DNM3: variants seen among roughly 807,000 people sequenced by gnomAD.
DNM3 encodes the protein dynamin-3.
DNM3 carries 47 observed loss-of-function variants against 101.6 expected under a neutral mutation model. The observed-to-expected ratio is 0.46, with a 90% CI of 0.37 to 0.59. The LOEUF is 0.59. Ranked by LOEUF, DNM3 falls within the 20% of genes least tolerant of loss-of-function variation. The probability of loss-of-function intolerance (pLI) is 0.00; values close to 1 mark genes in which losing one functional copy is unlikely to be tolerated. For missense variants in DNM3, 849 were observed against 1,085.7 expected (o/e 0.78, Z 3.06); for synonymous variants, 385 against 387.9 (o/e 0.99, Z 0.09).
intron 2 of DNM3, among the ~76,000 whole-genome samples, chr1:171,934,258 A>G (rs2041244227): frequency 1.3e-5 from 2 of 152,238 alleles, no homozygotes; most frequent in East Asian, 1.9e-4. Context: ...TGAGATGATC[A>G]CTTAAAAAAC....
chr1:172,274,014 G>T (rs1400300198), intron 15 of DNM3, among the ~76,000 whole-genome samples: 1 of 152,014 alleles, frequency 6.6e-6, no homozygotes, highest in Non-Finnish European at 1.5e-5. Context: ...TACTTGTGAA[G>T]AATCAATATT....
chr1:171,911,251 A>G (rs1040768678), intron 1 of DNM3, among the ~76,000 whole-genome samples: 1 of 149,612 alleles, frequency 6.7e-6, no homozygotes, highest in Non-Finnish European at 1.5e-5. Flanking sequence ...TTCCAATTAA[A>G]TACCTCACTT....
chr1:172,241,382 CTTA>C (rs942338262), intron 14 of DNM3, among the ~76,000 whole-genome samples: 4 of 151,806 alleles, frequency 2.6e-5, no homozygotes, highest in African/African-American at 7.3e-5. Flanking sequence ...AGTTTTGACT[CTTA>C]TTATGTGGGA....
intron 4 of DNM3, among the ~76,000 whole-genome samples, chr1:172,012,551 T>C (rs1310278546): frequency 6.6e-6 from 1 of 152,014 alleles, no homozygotes; most frequent in Non-Finnish European, 1.5e-5. Flanking sequence ...TCAGTTTATT[T>C]TGGAGTGCAA....
chr1:171,893,969 AC>A (rs2037530207), intron 1 of DNM3, among the ~76,000 whole-genome samples: 2 of 151,528 alleles, frequency 1.3e-5, no homozygotes, highest in Admixed American at 1.3e-4. Flanking sequence ...GATTATAGGC[AC>A]GCACTGCCAC....
chr1:172,369,716 GAA>G (rs2068222995), intron 17 of DNM3, among the ~76,000 whole-genome samples: 1 of 151,860 alleles, frequency 6.6e-6, no homozygotes. Context: ...TACAATAAAA[GAA>G]TGCAAAATAT....
chr1:172,177,607 G>A (rs2059199956), intron 14 of DNM3, among the ~76,000 whole-genome samples: 1 of 151,886 alleles, frequency 6.6e-6, no homozygotes, highest in Non-Finnish European at 1.5e-5. Context: ...GCTTAGAAAT[G>A]TAAGATAACT....
chr1:172,093,587 T>C (rs996065518), intron 13 of DNM3: 2 of 881,042 alleles, frequency 2.3e-6, no homozygotes, highest in Non-Finnish European at 3.3e-6. Flanking sequence ...AATTGAAACC[T>C]CTGCTCTAGA....
intron 10 of DNM3, among the ~76,000 whole-genome samples, chr1:172,065,242 G>T (rs2051559529): frequency 6.6e-6 from 1 of 152,280 alleles, no homozygotes; most frequent in African/African-American, 2.4e-5. Flanking sequence ...ACTTTCTGCT[G>T]TAATCTATTT....
intron 20 of DNM3, among the ~76,000 whole-genome samples, chr1:172,399,445 C>T (rs2070290601): frequency 6.6e-6 from 1 of 152,160 alleles, no homozygotes; most frequent in Admixed American, 6.5e-5. Flanking sequence ...AGAGCTAATA[C>T]TGCAGACCAG....
chr1:172,337,228 G>A (rs2066472429), intron 17 of DNM3, among the ~76,000 whole-genome samples: 1 of 152,092 alleles, frequency 6.6e-6, no homozygotes, highest in Non-Finnish European at 1.5e-5. Context: ...TTTATGGCCT[G>A]GCTTTTACAT....
chr1:172,073,263 A>G (rs1284825704), intron 11 of DNM3, among the ~76,000 whole-genome samples: 1 of 146,604 alleles, frequency 6.8e-6, no homozygotes, highest in Non-Finnish European at 1.5e-5. Context: ...ACATACATAT[A>G]CGTATATATG....
intron 14 of DNM3, among the ~76,000 whole-genome samples, chr1:172,164,233 T>G (rs1180749514): frequency 3.1e-5 from 1 of 32,050 alleles, no homozygotes; most frequent in African/African-American, 2.6e-4. Context: ...TTTTCTTTTC[T>G]TTTTTTTTTT....
chr1:171,994,953 T>G (rs1444798757), intron 4 of DNM3, among the ~76,000 whole-genome samples: 2 of 152,058 alleles, frequency 1.3e-5, no homozygotes, highest in Admixed American at 6.6e-5. Context: ...AACCCCATTC[T>G]GTCCCCTCCA....
chr1:172,272,780 T>C (rs1029991903), intron 15 of DNM3, among the ~76,000 whole-genome samples: 3 of 152,142 alleles, frequency 2.0e-5, no homozygotes, highest in Non-Finnish European at 4.4e-5. Flanking sequence ...TTTAAAATTA[T>C]AGTCATTTCT....
intron 13 of DNM3, among the ~76,000 whole-genome samples, chr1:172,121,829 T>C (rs2056341816): frequency 6.6e-6 from 1 of 152,216 alleles, no homozygotes; most frequent in Non-Finnish European, 1.5e-5. Flanking sequence ...GGGTTTGATA[T>C]GAATATTAAA....
chr1:172,095,626 C>T (rs577648272), intron 13 of DNM3, among the ~76,000 whole-genome samples: 4 of 152,104 alleles, frequency 2.6e-5, no homozygotes, highest in Non-Finnish European at 5.9e-5. Context: ...CTGATGCTGG[C>T]TTTTCTGGTT....
At chr1:172,288,141 G>A (rs1319988402) in intron 15 of DNM3, among the ~76,000 whole-genome samples, 1 of 152,196 alleles carries the variant, frequency 6.6e-6, no homozygotes, top group Non-Finnish European at 1.5e-5. Flanking sequence ...GGAATTCACA[G>A]TATAGTGAGA....
At chr1:172,056,502 G>C (rs963962835) in intron 10 of DNM3, among the ~76,000 whole-genome samples, 61 of 152,264 alleles carry the variant, frequency 4.0e-4, no homozygotes, top group African/African-American at 1.4e-3. Flanking sequence ...ATCTGAGAAC[G>C]GGCAGACTGC....
Sources: allele counts gnomAD v4.1 joint callset (sites outside exome capture counted in the v4.1 genomes callset), GRCh38; gene constraint gnomAD v4.1.1; transcripts MANE v1.5; gene names NCBI Gene and HGNC (gene_info 2026-07-23, HGNC 2026-07-21).